Variants in PARD3 observed in about 807,000 individuals in gnomAD.
PARD3 encodes par-3 family cell polarity regulator, also known as partitioning defective 3 homolog.
A neutral mutation model predicts 155.4 loss-of-function variants in PARD3; 75 were observed. That is an observed-to-expected ratio of 0.48 (90% CI 0.40 to 0.58). The LOEUF is 0.58. Ranked by LOEUF, PARD3 falls within the 20% of genes least tolerant of loss-of-function variation. The pLI, the probability that PARD3 is intolerant of heterozygous loss-of-function variation, is 0.00. For synonymous variants in PARD3, 576 were observed against 610.5 expected (o/e 0.94, Z 0.83); for missense variants, 1,642 against 1,721.7 (o/e 0.95, Z 0.82).
At chr10:34,526,488 C>G (rs1402205182) in intron 2 of PARD3, among the ~76,000 whole-genome samples, 1 of 152,214 alleles carries the variant, frequency 6.6e-6, no homozygotes, top group Non-Finnish European at 1.5e-5. Context: ...CTCTGAATGT[C>G]TGCATCCACT....
intron 22 of PARD3, among the ~76,000 whole-genome samples, chr10:34,253,027 G>C (rs2133750978): frequency 6.6e-6 from 1 of 152,322 alleles, no homozygotes; most frequent in South Asian, 2.1e-4. Context: ...TGGTATAAAA[G>C]CTGGAAATCT....
intron 22 of PARD3, among the ~76,000 whole-genome samples, chr10:34,192,995 G>A (rs1950782269): frequency 6.6e-6 from 1 of 152,128 alleles, no homozygotes; most frequent in African/African-American, 2.4e-5. Context: ...ACTGAACCAG[G>A]GCAAGCTCCT....
chr10:34,684,875 A>G, intron 2 of PARD3, among the ~76,000 whole-genome samples: 1 of 108,994 alleles, frequency 9.2e-6, no homozygotes, highest in African/African-American at 3.6e-5. Context: ...ATATACACAC[A>G]CATACACACA....
At chr10:34,673,939 C>T (rs1164018346) in intron 2 of PARD3, among the ~76,000 whole-genome samples, 2 of 148,164 alleles carry the variant, frequency 1.3e-5, no homozygotes, top group Admixed American at 6.8e-5. Flanking sequence ...GAGCCAAGAT[C>T]GTGCCACTGC....
At chr10:34,586,653 T>A (rs2088084919) in intron 2 of PARD3, among the ~76,000 whole-genome samples, 2 of 152,184 alleles carry the variant, frequency 1.3e-5, no homozygotes, top group South Asian at 4.1e-4. Flanking sequence ...TTCTAAGCAT[T>A]AAGGCACTCA....
chr10:34,119,651 G>A lies in PARD3; in HGVS notation c.3630C>T (p.Ser1210=), dbSNP rs1946875274. The change falls in exon 24 of 25, where the codon AGC becomes AGT. Residue 1210 remains serine (S), a synonymous_variant. Transcript: ENST00000374788. Reference sequence around the variant, plus strand: ...TGTACTGGCGCTGGGCCTGCTGGGAGCTCTCGCGCTCCTCCTGCCGCTGCC... The same window carrying A: ...TGTACTGGCGCTGGGCCTGCTGGGAACTCTCGCGCTCCTCCTGCCGCTGCC... The part of the protein sequence containing the change: ...MQRQRQEERE[S]SQQAQRQYSS... 1 of 1,610,622 alleles carries A rather than the reference G, an allele frequency of 6.2e-7. No homozygotes were observed. The highest frequency in any genetic ancestry group is 8.5e-7 in the Non-Finnish European group (1 of 1,178,898).
chr10:34,631,288 C>A (rs756261628), intron 2 of PARD3, among the ~76,000 whole-genome samples: 23 of 152,138 alleles, frequency 1.5e-4, no homozygotes, highest in Non-Finnish European at 3.2e-4. Context: ...TACAAAAACA[C>A]AATCACATAC....
At chr10:34,202,803 T>C (rs1437239079) in intron 22 of PARD3, among the ~76,000 whole-genome samples, 2 of 152,222 alleles carry the variant, frequency 1.3e-5, no homozygotes, top group Non-Finnish European at 2.9e-5. Context: ...ATATGTTGCT[T>C]TCCTGGCAAT....
intron 21 of PARD3, among the ~76,000 whole-genome samples, chr10:34,275,629 T>TA (rs1955838905): frequency 6.6e-6 from 1 of 152,230 alleles, no homozygotes; most frequent in African/African-American, 2.4e-5. Context: ...GACCAAAAGG[T>TA]TATATTTGCA....
chr10:34,651,038 A>G (rs2133053825), intron 2 of PARD3, among the ~76,000 whole-genome samples: 1 of 120,028 alleles, frequency 8.3e-6, no homozygotes, highest in South Asian at 3.0e-4. Context: ...AAAAAAAAAA[A>G]AAAAAAAAAA....
intron 2 of PARD3, among the ~76,000 whole-genome samples, chr10:34,545,063 T>G (rs2083933929): frequency 6.6e-6 from 1 of 152,208 alleles, no homozygotes. Flanking sequence ...TTCTATCACA[T>G]GAGCTTCAAA....
Position 34,123,865 on chromosome 10 carries a change from T to C in PARD3, c.3541-4125A>G, listed in dbSNP as rs148778533. ...CAGTTAACAGAGTAAAGAACAAACA[T>C]GAATATCCACAGTACAAAGTTTCAG... On this transcript the variant is annotated intron_variant, in intron 23 of 24. Coordinates refer to ENST00000374788, the MANE Select transcript of PARD3 (RefSeq NM_001184785.2). 5.9e-3 allele frequency among the ~76,000 whole-genome samples: 897 copies of C among 152,246 alleles called. 9 individuals carry two copies. The highest frequency in any genetic ancestry group is 0.02 in the African/African-American group (840 of 41,546).
At chr10:34,285,417 T>C (rs999857572) in intron 20 of PARD3, among the ~76,000 whole-genome samples, 1 of 151,760 alleles carries the variant, frequency 6.6e-6, no homozygotes, top group Non-Finnish European at 1.5e-5. Context: ...CTCTACTAAA[T>C]ACCAAAACAA....
chr10:34,236,758 C>T (rs1441612194), intron 22 of PARD3, among the ~76,000 whole-genome samples: 3 of 152,106 alleles, frequency 2.0e-5, no homozygotes, highest in Non-Finnish European at 4.4e-5. Context: ...TAATGTGGGG[C>T]TAAAGACCTT....
chr10:34,258,608 A>T (rs1445959467), intron 22 of PARD3, among the ~76,000 whole-genome samples: 2 of 152,140 alleles, frequency 1.3e-5, no homozygotes, highest in African/African-American at 2.4e-5. Context: ...TAAAGAGAGA[A>T]CTGGGCTAGT....
intron 2 of PARD3, among the ~76,000 whole-genome samples, chr10:34,553,651 A>T (rs1046086200): frequency 1.3e-5 from 2 of 151,024 alleles, no homozygotes; most frequent in African/African-American, 2.4e-5. Flanking sequence ...AAACAGAAGC[A>T]CAAAACAAAA....
intron 22 of PARD3, among the ~76,000 whole-genome samples, chr10:34,172,210 A>G (rs577729700): frequency 1.3e-5 from 2 of 152,300 alleles, no homozygotes; most frequent in East Asian, 3.9e-4. Flanking sequence ...GGGCTTAGAT[A>G]TAAAAGGGAA....
At chr10:34,761,084 G>A (rs899394926) in intron 1 of PARD3, among the ~76,000 whole-genome samples, 16 of 152,028 alleles carry the variant, frequency 1.1e-4, no homozygotes, top group African/African-American at 2.9e-4. Context: ...AAAGTGGGGT[G>A]AAACACAAAT....
intron 5 of PARD3, among the ~76,000 whole-genome samples, chr10:34,404,560 G>A (rs1185409955): frequency 6.6e-6 from 1 of 151,392 alleles, no homozygotes; most frequent in African/African-American, 2.4e-5. Context: ...AAACTAAACT[G>A]TGCCAAAGAA....
Sources: allele counts gnomAD v4.1 joint callset (sites outside exome capture counted in the v4.1 genomes callset), GRCh38; gene constraint gnomAD v4.1.1; transcripts MANE v1.5; gene names NCBI Gene and HGNC (gene_info 2026-07-23, HGNC 2026-07-21).